The following EPB41L3 variants were observed in gnomAD, a reference collection of about 807,000 sequenced individuals.
The protein encoded by EPB41L3 is band 4.1-like protein 3.
EPB41L3 carries 57 observed loss-of-function variants against 127.1 expected under a neutral mutation model. The observed-to-expected ratio is 0.45, with a 90% CI of 0.36 to 0.56. The LOEUF (loss-of-function observed/expected upper bound fraction) is 0.56, where lower values mean the gene tolerates loss of function less well. Ranked by LOEUF, EPB41L3 falls within the 20% of genes least tolerant of loss-of-function variation. EPB41L3 has a pLI of 0.00. For missense variants in EPB41L3, 1,273 were observed against 1,372.2 expected (o/e 0.93, Z 1.14); for synonymous variants, 572 against 549.5 (o/e 1.04, Z -0.57).
At chr18:5,420,936 T>A (rs982906290) in intron 11 of EPB41L3, among the ~76,000 whole-genome samples, 1 of 151,430 alleles carries the variant, frequency 6.6e-6, no homozygotes, top group African/African-American at 2.4e-5. Flanking sequence ...CTAAGACATT[T>A]TATATCTCTT....
chr18:5,564,580 C>T (rs951200695), intron 3 of EPB41L3, among the ~76,000 whole-genome samples: 7 of 152,036 alleles, frequency 4.6e-5, no homozygotes, highest in Non-Finnish European at 1.0e-4. Context: ...AAGGCACAGG[C>T]GGAGGTAATG....
intron 1 of EPB41L3, chr18:5,521,260 G>A (rs1238595046): frequency 6.6e-6 from 1 of 152,158 alleles, no homozygotes; most frequent in Non-Finnish European, 1.5e-5. Flanking sequence ...GCACTCACCT[G>A]AGCACACACA....
chr18:5,499,623 C>T (rs774207453), intron 1 of EPB41L3, among the ~76,000 whole-genome samples: 1 of 151,622 alleles, frequency 6.6e-6, no homozygotes, highest in Non-Finnish European at 1.5e-5. Flanking sequence ...AAAAATTAGC[C>T]GGGCGTGGTG....
At chr18:5,561,852 C>T (rs975170260) in intron 3 of EPB41L3, among the ~76,000 whole-genome samples, 1 of 152,194 alleles carries the variant, frequency 6.6e-6, no homozygotes, top group African/African-American at 2.4e-5. Flanking sequence ...CCCGATATGA[C>T]AGAGGGCACG....
chr18:5,619,410 C>T (rs1313442960), intron 1 of EPB41L3, among the ~76,000 whole-genome samples: 5 of 152,010 alleles, frequency 3.3e-5, no homozygotes, highest in African/African-American at 1.2e-4. Context: ...TAACATTATA[C>T]TTTTAGCCAG....
At chr18:5,574,943 C>T (rs148855201) in intron 3 of EPB41L3, among the ~76,000 whole-genome samples, 1 of 152,294 alleles carries the variant, frequency 6.6e-6, no homozygotes, top group East Asian at 1.9e-4. Flanking sequence ...CCTGACACAG[C>T]TCTCACAGCA....
At chr18:5,437,361 C>T (rs550606957) in intron 6 of EPB41L3, among the ~76,000 whole-genome samples, 82 of 152,282 alleles carry the variant, frequency 5.4e-4, no homozygotes, top group African/African-American at 1.9e-3. Context: ...ACCTGACCTG[C>T]GGGCACCCTG....
chr18:5,540,579 T>G (rs2093690820), intron 1 of EPB41L3: 1 of 984,304 alleles, frequency 1.0e-6, no homozygotes, highest in Non-Finnish European at 1.2e-6. Flanking sequence ...CCGGGCTGAG[T>G]GCCTGATGAA....
At chr18:5,488,918 C>T in intron 2 of EPB41L3, 83 bp downstream of exon 2, 1 of 1,433,876 alleles carries the variant, frequency 7.0e-7, no homozygotes, top group East Asian at 2.6e-5. Flanking sequence ...ATAGCTGCCT[C>T]TAGGGCTAAG....
At chr18:5,427,748 GA>G (rs201205155) in intron 9 of EPB41L3, among the ~76,000 whole-genome samples, 1 of 151,974 alleles carries the variant, frequency 6.6e-6, no homozygotes, top group Admixed American at 6.6e-5. Context: ...AATGATACTG[GA>G]ATTTTTTTTT....
At chr18:5,422,326 T>C (rs542406701) in intron 11 of EPB41L3, among the ~76,000 whole-genome samples, 1 of 152,268 alleles carries the variant, frequency 6.6e-6, no homozygotes, top group South Asian at 2.1e-4. Flanking sequence ...ACAGTTGTTT[T>C]TAGTTGGGAG....
chr18:5,447,765 T>A (rs2081715234), intron 3 of EPB41L3, among the ~76,000 whole-genome samples: 2 of 152,204 alleles, frequency 1.3e-5, no homozygotes, highest in African/African-American at 4.8e-5. Context: ...AAACACAGAC[T>A]GTTAATGCTA....
At chr18:5,556,537 A>G (rs1166944011) in intron 3 of EPB41L3, among the ~76,000 whole-genome samples, 2 of 152,210 alleles carry the variant, frequency 1.3e-5, no homozygotes, top group African/African-American at 4.8e-5. Context: ...CAGACTCTAA[A>G]CTTTGATACT....
At chr18:5,493,758 C>G (rs1366590026) in intron 1 of EPB41L3, among the ~76,000 whole-genome samples, 5 of 152,118 alleles carry the variant, frequency 3.3e-5, no homozygotes, top group African/African-American at 9.7e-5. Flanking sequence ...CATCCTCCCA[C>G]TCACTCACAC....
chr18:5,410,071 G>A (rs543726132), intron 14 of EPB41L3, among the ~76,000 whole-genome samples: 1 of 152,056 alleles, frequency 6.6e-6, no homozygotes, highest in Non-Finnish European at 1.5e-5. Context: ...AATGAGTCAG[G>A]TAAGTCTTAT....
intron 3 of EPB41L3, among the ~76,000 whole-genome samples, chr18:5,470,041 G>A (rs925236111): frequency 1.3e-5 from 2 of 152,124 alleles, no homozygotes; most frequent in Non-Finnish European, 2.9e-5. Context: ...GCCTCCCAAA[G>A]TGCTGGGATT....
At chr18:5,441,810 T>C (rs984394286) in intron 5 of EPB41L3, among the ~76,000 whole-genome samples, 2 of 152,198 alleles carry the variant, frequency 1.3e-5, no homozygotes, top group Non-Finnish European at 2.9e-5. Flanking sequence ...ATCTCCTTTA[T>C]CTGCAAGACT....
At chr18:5,434,298 A>G (rs2079425890) in intron 6 of EPB41L3, among the ~76,000 whole-genome samples, 177 bp from the exon 7 acceptor site, 1 of 152,242 alleles carries the variant, frequency 6.6e-6, no homozygotes, top group Non-Finnish European at 1.5e-5. Context: ...TCTAGATAGA[A>G]GGGAAAAATA....
At chr18:5,542,891 G>A (rs1026912775) in intron 1 of EPB41L3, among the ~76,000 whole-genome samples, 1 of 152,216 alleles carries the variant, frequency 6.6e-6, no homozygotes, top group African/African-American at 2.4e-5. Flanking sequence ...GAGATTAGAG[G>A]GGAAATCCGA....
Sources: gnomAD v4.1 joint callset for allele counts (sites outside exome capture counted in the v4.1 genomes callset) on GRCh38, gnomAD v4.1.1 for gene constraint, MANE v1.5 for transcripts, NCBI Gene and HGNC (gene_info 2026-07-23, HGNC 2026-07-21) for gene names.